The following TTC6 variants were observed in gnomAD, a reference collection of about 807,000 sequenced individuals.
TTC6 encodes tetratricopeptide repeat domain 6.
Under a neutral mutation model 210.4 loss-of-function variants are expected in TTC6, and 172 were observed. The observed-to-expected ratio is 0.82, with a 90% CI of 0.72 to 0.93. The LOEUF (loss-of-function observed/expected upper bound fraction) is 0.93. Among genes scored for constraint, TTC6 ranks in the 40% least tolerant of loss-of-function variants. TTC6 has a pLI of 0.00. For missense variants in TTC6, 2,414 were observed against 2,318.1 expected, an observed-to-expected ratio of 1.04 and a Z score of -0.85; for synonymous variants, 804 against 819.6, an observed-to-expected ratio of 0.98 and a Z score of 0.32.
chr14:37,685,470 TA>T, intron 3 of TTC6, among the ~76,000 whole-genome samples: 1 of 152,218 alleles, frequency 6.6e-6, no homozygotes, highest in African/African-American at 2.4e-5. Context: ...AGAGGGGGAA[TA>T]AAAAGAAAGA....
At chr14:37,632,018 C>T (rs188468199) in intron 1 of TTC6, among the ~76,000 whole-genome samples, 36 of 152,220 alleles carry the variant, frequency 2.4e-4, no homozygotes, top group Non-Finnish European at 4.3e-4. Flanking sequence ...ATTCCTCTAA[C>T]CTTTTTTCAA....
At chr14:37,724,942 T>C in exon 7 of TTC6, 1 of 1,529,942 alleles carries the variant, frequency 6.5e-7, no homozygotes, top group Non-Finnish European at 8.7e-7. Context: ...GGAATACAGC[T>C]GCACCTAAAT....
intron 5 of TTC6, among the ~76,000 whole-genome samples, chr14:37,703,352 A>G (rs2095829202): frequency 6.6e-6 from 1 of 152,142 alleles, no homozygotes; most frequent in South Asian, 2.1e-4. Context: ...ATTTGTTCCT[A>G]AGTACCAAAT....
chr14:37,812,459 C>T (rs1433011489), intron 25 of TTC6, 26 bp downstream of exon 27: 2 of 1,543,838 alleles, frequency 1.3e-6, no homozygotes, highest in Middle Eastern at 1.7e-4. Context: ...GTGTAACCCA[C>T]TTGATTTTGC....
intron 2 of TTC6, among the ~76,000 whole-genome samples, chr14:37,615,446 A>T (rs1297618650): frequency 1.3e-5 from 2 of 152,058 alleles, no homozygotes; most frequent in Non-Finnish European, 2.9e-5. Flanking sequence ...GCTTTTTGGT[A>T]TTATCCTTAC....
upstream of TTC6, among the ~76,000 whole-genome samples, chr14:37,618,220 C>G (rs1012658359): frequency 1.3e-5 from 2 of 152,178 alleles, no homozygotes; most frequent in Admixed American, 1.3e-4. Flanking sequence ...AGTGTGCAGC[C>G]CTGCCTGAGT....
chr14:37,834,874 G>T (rs1566981921), intron 29 of TTC6, among the ~76,000 whole-genome samples: 2 of 152,008 alleles, frequency 1.3e-5, no homozygotes, highest in African/African-American at 4.8e-5. Context: ...GAGTTGAATA[G>T]GGTACTTTGG....
At position 37,830,757 on chromosome 14, in the gene TTC6, T is replaced by A. The variant is rs1249035138; in HGVS notation, c.5298+3391T>A. The stretch of plus-strand genomic sequence containing the variant: ...AATTTTTTTCTAAAATAGATTTTTT[T>A]AAATGAATTTTTTTCAAAATCATTT... On this transcript the variant is annotated intron_variant, in intron 29 of 30. Coordinates refer to ENST00000553443, the Ensembl canonical transcript of TTC6. 2.0e-5 allele frequency among the ~76,000 whole-genome samples: 3 copies of A among 151,918 alleles called. No homozygotes were observed. The East Asian group carries it at 5.8e-4, about 29-fold the overall frequency.
At chr14:37,622,402 G>A (rs866945378) in exon 1 of TTC6, 3 of 1,534,162 alleles carry the variant, frequency 2.0e-6, no homozygotes, top group Non-Finnish European at 2.6e-6. Context: ...GGCAAGACCC[G>A]GTCGTTTCGC....
At position 37,674,987 on chromosome 14, in the gene TTC6, G is replaced by A. The variant is rs115207235; in HGVS notation, c.940-5164G>A. On this transcript the variant is annotated intron_variant, in intron 1 of 30. Transcript: ENST00000553443. Reference sequence around the variant, plus strand: ...TTTTACTACTATGTTAGTTAAAAATGTCTAAGGAGCAGGGAAATGACATTT... The same window carrying A: ...TTTTACTACTATGTTAGTTAAAAATATCTAAGGAGCAGGGAAATGACATTT... Among the ~76,000 whole-genome samples the A allele has an allele frequency of 2.5e-3, 374 of 152,060 alleles. 2 individuals carry two copies. The highest frequency in any genetic ancestry group is 8.4e-3 in the African/African-American group (347 of 41,518).
At chr14:37,732,242 G>A (rs2095888633) in intron 7 of TTC6, among the ~76,000 whole-genome samples, 1 of 142,600 alleles carries the variant, frequency 7.0e-6, no homozygotes, top group Admixed American at 7.3e-5. Flanking sequence ...GAGTGCAGTG[G>A]CGCGATCTAG....
chr14:37,791,849 G>A (rs2096080320), intron 16 of TTC6, among the ~76,000 whole-genome samples: 1 of 152,062 alleles, frequency 6.6e-6, no homozygotes, highest in Admixed American at 6.6e-5. Flanking sequence ...ACGTGGAGAG[G>A]ATTTTAACCC....
chr14:37,674,652 C>T (rs1431850338), intron 1 of TTC6, among the ~76,000 whole-genome samples: 1 of 152,068 alleles, frequency 6.6e-6, no homozygotes, highest in Non-Finnish European at 1.5e-5. Context: ...TTTATCATTC[C>T]ACCTTCCATG....
chr14:37,625,965 T>G (rs2095659593), intron 1 of TTC6, among the ~76,000 whole-genome samples: 2 of 152,180 alleles, frequency 1.3e-5, no homozygotes, highest in Admixed American at 1.3e-4. Context: ...CACTTAATTT[T>G]TCATTGAAGG....
exon 11 of TTC6, chr14:37,749,157 A>T (rs2095944606): frequency 6.5e-7 from 1 of 1,535,440 alleles, no homozygotes; most frequent in Non-Finnish European, 8.7e-7. Context: ...AAAGAGAAAG[A>T]TGATAAAATA....
At chr14:37,836,157 A>G (rs1269977602) in intron 29 of TTC6, among the ~76,000 whole-genome samples, 1 of 152,206 alleles carries the variant, frequency 6.6e-6, no homozygotes, top group Non-Finnish European at 1.5e-5. Context: ...TCGAGTTGTC[A>G]TCTTCCATAA....
chr14:37,726,677 T>C (rs1175994867), intron 7 of TTC6, among the ~76,000 whole-genome samples: 1 of 152,130 alleles, frequency 6.6e-6, no homozygotes, highest in East Asian at 1.9e-4. Flanking sequence ...TTAGGAATAA[T>C]GGAAAAGTTG....
intron 16 of TTC6, among the ~76,000 whole-genome samples, chr14:37,791,411 C>CT (rs1178794185): frequency 2.0e-5 from 3 of 152,014 alleles, no homozygotes; most frequent in African/African-American, 2.4e-5. Context: ...AAAAATTCCC[C>CT]TTTTTTTCCA....
rs951055781 is a variant in TTC6 at position 37,622,333 on chromosome 14, T to A, written c.269T>A (p.Leu90Gln). Residue 90 changes from leucine (L) to glutamine (Q), a missense_variant, in exon 1 of 31, where the codon CTG becomes CAG. By Grantham distance (113) the Leu-to-Gln change is moderately radical. Coordinates refer to ENST00000553443, the Ensembl canonical transcript of TTC6. ...CCTGCGATGTCCGCGGCCGCCCTCC[T>A]GCAGGAGGTGCTCGGAGGCGCGCCG... 4.8e-5 allele frequency: 74 copies of A among 1,532,810 alleles called. No homozygotes were observed. The Admixed American group carries it at 1.2e-3, about 24-fold the overall frequency. The allele number at this position is 1,532,810 out of a possible 1,614,324, so 95.0% of individuals were successfully genotyped here. A position where few individuals can be genotyped will look rare whatever the true frequency, so the allele number is the denominator to read the frequency against.
Sources: allele counts gnomAD v4.1 joint callset (sites outside exome capture counted in the v4.1 genomes callset), GRCh38; gene constraint gnomAD v4.1.1; transcripts MANE v1.5; gene names NCBI Gene and HGNC (gene_info 2026-07-23, HGNC 2026-07-21).